PARD3B: variants seen among roughly 807,000 people sequenced by gnomAD.
The protein encoded by PARD3B is partitioning defective 3 homolog B.
In PARD3B, 103 loss-of-function variants were observed where a neutral mutation model predicts 130.2. The ratio of observed to expected loss-of-function variants is 0.79; its 90% CI spans 0.67 to 0.93. The LOEUF (loss-of-function observed/expected upper bound fraction) is 0.93, where lower values mean the gene tolerates loss of function less well. Ranked by LOEUF, PARD3B falls within the 40% of genes least tolerant of loss-of-function variation. PARD3B has a pLI of 0.00. For missense variants in PARD3B, 1,609 were observed against 1,499.2 expected (o/e 1.07, Z -1.21); for synonymous variants, 583 against 553.2 (o/e 1.05, Z -0.76).
At chr2:205,283,701 TA>T (rs1481716155) in intron 16 of PARD3B, among the ~76,000 whole-genome samples, 1 of 152,226 alleles carries the variant, frequency 6.6e-6, no homozygotes, top group African/African-American at 2.4e-5. Flanking sequence ...TGAAAATTGT[TA>T]AAAATACTTA....
At chr2:205,090,131 T>G (rs1307030972) in intron 4 of PARD3B, among the ~76,000 whole-genome samples, 1 of 152,196 alleles carries the variant, frequency 6.6e-6, no homozygotes, top group Admixed American at 6.5e-5. Context: ...TCAGGAAGCA[T>G]GTGCTTTTCT....
At chr2:204,840,740 C>G (rs1461513440) in intron 2 of PARD3B, among the ~76,000 whole-genome samples, 1 of 152,072 alleles carries the variant, frequency 6.6e-6, no homozygotes. Flanking sequence ...TATGGTCAAC[C>G]ACGGTCGCAA....
chr2:205,467,314 T>C (rs2106245047), intron 20 of PARD3B, among the ~76,000 whole-genome samples: 1 of 152,282 alleles, frequency 6.6e-6, no homozygotes, highest in East Asian at 1.9e-4. Flanking sequence ...TTACAATAAA[T>C]AGGAAGATGT....
chr2:205,308,468 G>A (rs943333528), intron 18 of PARD3B, among the ~76,000 whole-genome samples: 3 of 152,058 alleles, frequency 2.0e-5, no homozygotes, highest in African/African-American at 4.8e-5. Flanking sequence ...TTAGCCATGC[G>A]TGGTGGCGGG....
chr2:205,499,862 T>C (rs755816711), intron 20 of PARD3B, 34 bp from the exon 21 acceptor site: 2 of 1,592,552 alleles, frequency 1.3e-6, no homozygotes, highest in Non-Finnish European at 1.7e-6. Context: ...TGATGTACAC[T>C]GTGTGAATCT....
chr2:205,494,908 G>A (rs2049868457), intron 20 of PARD3B, among the ~76,000 whole-genome samples: 1 of 152,156 alleles, frequency 6.6e-6, no homozygotes, highest in South Asian at 2.1e-4. Context: ...TTTGACTGAG[G>A]CTTAAATGAG....
chr2:205,344,551 T>C (rs186056372), intron 18 of PARD3B, among the ~76,000 whole-genome samples: 4 of 152,254 alleles, frequency 2.6e-5, no homozygotes, highest in African/African-American at 9.6e-5. Flanking sequence ...TCCCAGGTAG[T>C]CCTTGATTTT....
At chr2:204,698,061 G>A (rs112995410) in intron 2 of PARD3B, among the ~76,000 whole-genome samples, 4 of 152,156 alleles carry the variant, frequency 2.6e-5, no homozygotes, top group African/African-American at 9.6e-5. Context: ...GGAACATGGC[G>A]TCAGAGCCAA....
chr2:205,068,652 A>T (rs1360916192), intron 4 of PARD3B, among the ~76,000 whole-genome samples: 1 of 152,046 alleles, frequency 6.6e-6, no homozygotes, highest in Non-Finnish European at 1.5e-5. Context: ...GTTTTACATG[A>T]ATGCACTGAA....
chr2:205,551,457 ATCTC>A (rs2052644204), intron 21 of PARD3B, among the ~76,000 whole-genome samples: 3 of 151,890 alleles, frequency 2.0e-5, no homozygotes, highest in South Asian at 4.2e-4. Flanking sequence ...AGAATTCTCA[ATCTC>A]TCTGTCTGTG....
intron 20 of PARD3B, among the ~76,000 whole-genome samples, chr2:205,449,166 CAAAAAAA>C (rs757916003): frequency 2.0e-5 from 1 of 50,242 alleles, no homozygotes; most frequent in African/African-American, 7.4e-5. Context: ...AACTCCATCT[CAAAAAAA>C]AAAAAAAAAA....
At chr2:205,127,156 G>A (rs1241258701) in intron 10 of PARD3B, among the ~76,000 whole-genome samples, 1 of 151,898 alleles carries the variant, frequency 6.6e-6, no homozygotes, top group African/African-American at 2.4e-5. Flanking sequence ...AAGTAGCCAG[G>A]CATGGTGGCA....
intron 2 of PARD3B, among the ~76,000 whole-genome samples, chr2:204,880,101 G>C (rs1239664353): frequency 2.0e-5 from 3 of 152,066 alleles, no homozygotes; most frequent in Non-Finnish European, 2.9e-5. Context: ...GCTTCCTAAA[G>C]GGAAAAAGAC....
intron 2 of PARD3B, among the ~76,000 whole-genome samples, chr2:204,964,932 A>G (rs1437339207): frequency 1.3e-5 from 2 of 152,188 alleles, no homozygotes; most frequent in Non-Finnish European, 2.9e-5. Flanking sequence ...TAATAGACAA[A>G]ATAAACAAAT....
chr2:204,798,285 T>A (rs571520815), intron 2 of PARD3B, among the ~76,000 whole-genome samples: 11 of 152,252 alleles, frequency 7.2e-5, no homozygotes, highest in Non-Finnish European at 5.9e-5. Flanking sequence ...TGGAACTCAG[T>A]GCTGCCTGTC....
chr2:204,752,004 A>G (rs965875300), intron 2 of PARD3B, among the ~76,000 whole-genome samples: 2 of 152,202 alleles, frequency 1.3e-5, no homozygotes. Context: ...AATGTCAAAT[A>G]TGTCTTACTA....
intron 21 of PARD3B, among the ~76,000 whole-genome samples, chr2:205,507,597 A>G (rs1027663595): frequency 1.3e-5 from 2 of 152,098 alleles, no homozygotes; most frequent in Non-Finnish European, 2.9e-5. Flanking sequence ...GACTCCATAA[A>G]TAAGGATAGG....
At chr2:204,785,968 G>A (rs1185407794) in intron 2 of PARD3B, among the ~76,000 whole-genome samples, 1 of 151,968 alleles carries the variant, frequency 6.6e-6, no homozygotes, top group Non-Finnish European at 1.5e-5. Context: ...CAAAAAAATA[G>A]CTGGGCGTAG....
chr2:204,617,671 A>G (rs1326461597), intron 1 of PARD3B, among the ~76,000 whole-genome samples: 1 of 152,162 alleles, frequency 6.6e-6, no homozygotes, highest in African/African-American at 2.4e-5. Flanking sequence ...CCAAGTAACC[A>G]GTGTAACACT....
Sources: gnomAD v4.1 joint callset for allele counts (sites outside exome capture counted in the v4.1 genomes callset) on GRCh38, gnomAD v4.1.1 for gene constraint, MANE v1.5 for transcripts, NCBI Gene and HGNC (gene_info 2026-07-23, HGNC 2026-07-21) for gene names.